The following GRHL2 variants were observed in gnomAD, a reference collection of about 807,000 sequenced individuals.
GRHL2 encodes grainyhead-like protein 2 homolog.
Under a neutral mutation model 83.8 loss-of-function variants are expected in GRHL2, and 21 were observed. The observed-to-expected ratio is 0.25, with a 90% CI of 0.18 to 0.36. The LOEUF is 0.36. GRHL2 is among the 10% of genes least tolerant of loss of function. The probability of loss-of-function intolerance (pLI) is 1.00; values close to 1 mark genes in which losing one functional copy is unlikely to be tolerated. For synonymous variants in GRHL2, 280 were observed against 278.9 expected, an observed-to-expected ratio of 1.00 and a Z score of -0.04; for missense variants, 623 against 781.8, an observed-to-expected ratio of 0.80 and a Z score of 2.42.
Position 101,554,297 on chromosome 8 carries a change from G to T in GRHL2, c.284+1515G>T, listed in dbSNP as rs145612826. Among the ~76,000 whole-genome samples the T allele has an allele frequency of 6.5e-3, 987 of 152,270 alleles. 9 individuals carry two copies. Among genetic ancestry groups the T allele is most frequent in the African/African-American group, 0.022 (934 of 41,550 alleles). On this transcript the variant is annotated intron_variant, in intron 3 of 15. Transcript: ENST00000646743. ...GGAAGAAGAGGCTGACACTCTTCAG[G>T]CCCTAAAACTTTTCCTTGACCCAGC...
rs150864887 is a variant in GRHL2 at position 101,630,957 on chromosome 8, T to C, written c.1258-680T>C. Among the ~76,000 whole-genome samples, 8 of 152,148 alleles carry C rather than the reference T, an allele frequency of 5.3e-5. No individual in the cohort carries two copies. In the East Asian group the frequency reaches 1.5e-3, roughly 29 times the overall value. Reference sequence around the variant, plus strand: ...GTTAAGTAGGGTGCGATTTGGCAATTTGGCAAGAGGTGCCCATGAAAAAGC... The same window carrying C: ...GTTAAGTAGGGTGCGATTTGGCAATCTGGCAAGAGGTGCCCATGAAAAAGC... On this transcript the variant is annotated intron_variant, in intron 9 of 15. Coordinates refer to ENST00000646743, the MANE Select transcript of GRHL2 (RefSeq NM_024915.4).
At chr8:101,542,743 G>A (rs1811180788) in intron 1 of GRHL2, 1 of 456,500 alleles carries the variant, frequency 2.2e-6, no homozygotes, top group African/African-American at 2.0e-5. Flanking sequence ...TCAAGGGGCA[G>A]CATCTGACCA....
downstream of GRHL2, among the ~76,000 whole-genome samples, chr8:101,670,853 G>A (rs146726200): frequency 1.2e-3 from 186 of 152,328 alleles, no homozygotes; most frequent in Non-Finnish European, 2.3e-3. Context: ...GATTACTCTG[G>A]ACCTGATGTT....
chr8:101,539,360 T>A (rs1439108252), intron 1 of GRHL2, among the ~76,000 whole-genome samples: 1 of 152,190 alleles, frequency 6.6e-6, no homozygotes, highest in Non-Finnish European at 1.5e-5. Context: ...GAAGTGTGCA[T>A]GCCTGTGCCT....
chr8:101,562,045 A>G (rs1586097279), intron 4 of GRHL2: 3 of 768,486 alleles, frequency 3.9e-6, no homozygotes, highest in East Asian at 2.8e-5. Flanking sequence ...CTGTTGTACC[A>G]TTTTCTCTTC....
intron 4 of GRHL2, chr8:101,561,949 C>T: frequency 3.2e-6 from 2 of 624,190 alleles, no homozygotes; most frequent in Non-Finnish European, 5.9e-6. Flanking sequence ...AGTTCCAAGT[C>T]TCCAAAGGGC....
At chr8:101,513,734 G>A (rs1208511021) in intron 1 of GRHL2, among the ~76,000 whole-genome samples, 1 of 152,018 alleles carries the variant, frequency 6.6e-6, no homozygotes, top group Middle Eastern at 3.2e-3. Flanking sequence ...GACCTCAGGT[G>A]ATCTTCCCAC....
intron 9 of GRHL2, among the ~76,000 whole-genome samples, chr8:101,625,948 T>C (rs889393165): frequency 8.5e-5 from 13 of 152,184 alleles, no homozygotes; most frequent in Non-Finnish European, 1.6e-4. Context: ...CAGGGTGTAT[T>C]CATCGTAATT....
At chr8:101,631,020 A>G (rs1015035739) in intron 9 of GRHL2, among the ~76,000 whole-genome samples, 1 of 152,216 alleles carries the variant, frequency 6.6e-6, no homozygotes, top group Non-Finnish European at 1.5e-5. Flanking sequence ...GGAGTTTAAT[A>G]GACTAAACAT....
intron 8 of GRHL2, among the ~76,000 whole-genome samples, chr8:101,617,358 A>G (rs1226209578): frequency 6.6e-6 from 1 of 152,134 alleles, no homozygotes; most frequent in Non-Finnish European, 1.5e-5. Flanking sequence ...GTGCCAGTTG[A>G]GGAGCTCAAA....
At chr8:101,550,437 A>G (rs112603319) in intron 2 of GRHL2, among the ~76,000 whole-genome samples, 24 of 152,180 alleles carry the variant, frequency 1.6e-4, no homozygotes, top group Admixed American at 2.6e-4. Flanking sequence ...ATAAGTCAGA[A>G]CACGCGGTAT....
intron 7 of GRHL2, among the ~76,000 whole-genome samples, chr8:101,582,633 G>A (rs1812080190): frequency 6.6e-6 from 1 of 152,200 alleles, no homozygotes; most frequent in African/African-American, 2.4e-5. Flanking sequence ...ATTGATTCTT[G>A]ACACCTCAGT....
chr8:101,502,350 G>A (rs1810247602), intron 1 of GRHL2, among the ~76,000 whole-genome samples: 1 of 152,186 alleles, frequency 6.6e-6, no homozygotes, highest in Admixed American at 6.5e-5. Flanking sequence ...GAGGTTACAG[G>A]CACAGTGGGA....
intron 8 of GRHL2, among the ~76,000 whole-genome samples, chr8:101,600,659 G>A (rs1186702162): frequency 1.3e-5 from 2 of 152,208 alleles, no homozygotes; most frequent in South Asian, 2.1e-4. Context: ...TCTGGGCCTC[G>A]GTTCTGGCAT....
Position 101,666,747 on chromosome 8 carries a change from C to A in GRHL2, c.*44C>A. 1 of 1,110,454 alleles carries A rather than the reference C, an allele frequency of 9.0e-7. No individual in the cohort carries two copies. Among genetic ancestry groups the A allele is most frequent in the Non-Finnish European group, 1.4e-6 (1 of 722,440 alleles). The allele number at this position is 1,110,454 out of a possible 1,614,324, so 68.8% of individuals were successfully genotyped here. On this transcript the variant is annotated 3_prime_UTR_variant, in exon 16 of 16. Transcript: ENST00000646743. ...CTTTGGCTGGAGCTCTCAGTGCGTT[C>A]CTCCCTGAGAGAGACAGAAGCCCCA...
At chr8:101,511,272 C>T (rs905211736) in intron 1 of GRHL2, among the ~76,000 whole-genome samples, 27 of 152,068 alleles carry the variant, frequency 1.8e-4, no homozygotes, top group Admixed American at 1.7e-3. Context: ...TTCATAGAAG[C>T]GGAACCTTTG....
At chr8:101,633,636 A>G (rs892885079) in intron 11 of GRHL2, among the ~76,000 whole-genome samples, 4 of 152,164 alleles carry the variant, frequency 2.6e-5, no homozygotes, top group African/African-American at 4.8e-5. Flanking sequence ...CCCATTTAAC[A>G]TTTTCATCCA....
intron 7 of GRHL2, among the ~76,000 whole-genome samples, chr8:101,582,728 T>C (rs2130258928): frequency 6.6e-6 from 1 of 152,334 alleles, no homozygotes; most frequent in African/African-American, 2.4e-5. Flanking sequence ...TCAGCGTCTT[T>C]GCAGAGGAAC....
chr8:101,508,568 G>T (rs936920871), intron 1 of GRHL2, among the ~76,000 whole-genome samples: 1 of 152,014 alleles, frequency 6.6e-6, no homozygotes, highest in African/African-American at 2.4e-5. Context: ...CTCTCAGTAC[G>T]TCATTGGGTC....
Sources: gnomAD v4.1 joint callset for allele counts (sites outside exome capture counted in the v4.1 genomes callset) on GRCh38, gnomAD v4.1.1 for gene constraint, MANE v1.5 for transcripts, NCBI Gene and HGNC (gene_info 2026-07-23, HGNC 2026-07-21) for gene names.